Variants in GEMIN8 observed in about 807,000 individuals in gnomAD.
GEMIN8 encodes the protein gem nuclear organelle associated protein 8.
For missense variants in GEMIN8, 185 were observed against 205.9 expected (o/e 0.90, Z 0.62); for synonymous variants, 80 against 78.5 (o/e 1.02, Z -0.10).
chrX:13,988,884 A>T, the GEMIN8 span: 3 of 106,865 alleles, frequency 2.8e-5, no homozygotes, highest in Admixed American at 1.0e-4. Flanking sequence ...AATGTTCAAG[A>T]TGGAAGGGAT....
intron 4 of GEMIN8, among the ~76,000 whole-genome samples, chrX:14,010,817 T>C (rs1351798702): frequency 8.9e-6 from 1 of 112,339 alleles, no homozygotes; most frequent in African/African-American, 3.2e-5. Flanking sequence ...ATTAACTCAT[T>C]GGGCAATGCA....
chrX:13,992,670 C>G, the GEMIN8 span, among the ~76,000 whole-genome samples: 2 of 111,287 alleles, frequency 1.8e-5, no homozygotes, highest in African/African-American at 6.5e-5. Context: ...GTTAGGAAGT[C>G]AATGGGGCTG....
At chrX:14,025,965 A>G (rs1924668969) in intron 2 of GEMIN8, 175 bp downstream of exon 2, 1 of 476,459 alleles carries the variant, frequency 2.1e-6, no homozygotes, top group Non-Finnish European at 2.6e-6. Context: ...TGGAGAACTT[A>G]AGGAGCTAAT....
chrX:14,021,048 A>G (rs1924273410), intron 3 of GEMIN8, among the ~76,000 whole-genome samples: 1 of 111,164 alleles, frequency 9.0e-6, no homozygotes, highest in South Asian at 3.8e-4. Context: ...AATGCACCCA[A>G]TAGTGCTTTT....
chrX:14,005,761 A>G (rs1483972980), downstream of GEMIN8, among the ~76,000 whole-genome samples: 1 of 103,942 alleles, frequency 9.6e-6, no homozygotes, highest in Non-Finnish European at 2.0e-5. Context: ...TGCTACCTCC[A>G]GATAGATAGT....
intron 4 of GEMIN8, among the ~76,000 whole-genome samples, chrX:14,016,900 A>G (rs1409094217): frequency 5.2e-5 from 5 of 96,642 alleles, no homozygotes; most frequent in African/African-American, 1.9e-4. Flanking sequence ...TATGTACAGA[A>G]TCTCAATCAA....
intron 2 of GEMIN8, among the ~76,000 whole-genome samples, chrX:14,023,098 A>G (rs900055866): frequency 1.8e-5 from 2 of 112,565 alleles, no homozygotes; most frequent in African/African-American, 6.4e-5. Context: ...CATGCAACGA[A>G]TATAAACTGA....
At chrX:14,024,666 A>G (rs1419277380) in intron 2 of GEMIN8, among the ~76,000 whole-genome samples, 3 of 111,765 alleles carry the variant, frequency 2.7e-5, no homozygotes, top group African/African-American at 9.8e-5. Context: ...AGCCAAGAGA[A>G]TCATTTGAGA....
At chrX:13,994,674 A>G in the GEMIN8 span, among the ~76,000 whole-genome samples, 1 of 111,938 alleles carries the variant, frequency 8.9e-6, no homozygotes, top group Admixed American at 9.5e-5. Flanking sequence ...CTTGTGGCCA[A>G]ATGTGACCCT....
At chrX:14,002,140 G>A (rs1922991607), downstream of GEMIN8, among the ~76,000 whole-genome samples, 1 of 99,528 alleles carries the variant, frequency 1.0e-5, no homozygotes, top group African/African-American at 3.7e-5. Context: ...TAAAGAAACT[G>A]GGTCTTCCAT....
At chrX:13,998,078 T>C in the GEMIN8 span, among the ~76,000 whole-genome samples, 1 of 93,904 alleles carries the variant, frequency 1.1e-5, no homozygotes, top group Non-Finnish European at 2.1e-5. Flanking sequence ...CCATTTTTGC[T>C]TTTTTTTTTT....
At chrX:13,989,917 G>A in the GEMIN8 span, among the ~76,000 whole-genome samples, 1 of 111,915 alleles carries the variant, frequency 8.9e-6, no homozygotes, top group Non-Finnish European at 1.9e-5. Flanking sequence ...ACATCTTCTT[G>A]CTTCTTGACA....
chrX:13,993,835 C>T, the GEMIN8 span, among the ~76,000 whole-genome samples: 1 of 111,616 alleles, frequency 9.0e-6, no homozygotes, highest in Non-Finnish European at 1.9e-5. Context: ...AGTCTATAGA[C>T]CAGAGCATCA....
chrX:14,011,944 A>C (rs569847586), intron 4 of GEMIN8, among the ~76,000 whole-genome samples: 6 of 111,298 alleles, frequency 5.4e-5, no homozygotes, highest in African/African-American at 1.6e-4. Flanking sequence ...TGTTAACACA[A>C]AGCAACCCCA....
chrX:13,985,618 A>G, the GEMIN8 span, among the ~76,000 whole-genome samples: 1 of 112,350 alleles, frequency 8.9e-6, no homozygotes, highest in Non-Finnish European at 1.9e-5. Flanking sequence ...TCCTTATACG[A>G]AACAAGACTG....
rs1394837960 is a variant in GEMIN8, at chrX:14,007,712, A to G, written c.*1201T>C. 9.1e-6 allele frequency among the ~76,000 whole-genome samples: 1 copy of G among 109,293 alleles called. No homozygotes were observed. The highest frequency in any genetic ancestry group is 1.9e-5 in the Non-Finnish European group (1 of 52,536). The allele number at this position is 109,293 out of a possible 115,157, so 94.9% of individuals were successfully genotyped here. A position where few individuals can be genotyped will look rare whatever the true frequency, so the allele number is the denominator to read the frequency against. ...CCGGCTAATTTTTTGTATTTTTAGT[A>G]GAGATGGGGTTTCACCGTGTTAGCC... On this transcript the variant is annotated 3_prime_UTR_variant, in exon 5 of 5. Coordinates refer to ENST00000680255, the MANE Select transcript of GEMIN8 (RefSeq NM_001042479.2).
intron 2 of GEMIN8, among the ~76,000 whole-genome samples, chrX:14,024,497 TCAAAAACAAAAA>T (rs772552640): frequency 9.2e-6 from 1 of 108,687 alleles, no homozygotes. Flanking sequence ...AGACTCAGTC[TCAAAAACAAAAA>T]CAAAAACAAA....
the GEMIN8 span, among the ~76,000 whole-genome samples, chrX:13,998,717 G>A: frequency 4.8e-4 from 54 of 111,642 alleles, no homozygotes; most frequent in Middle Eastern, 0.014. Flanking sequence ...ACCTCCCAAA[G>A]TGTTAGGATT....
rs777152840 is a variant in GEMIN8 at position 14,009,914 on chromosome X, T to C, written c.473-745A>G. Among the ~76,000 whole-genome samples, 7 of 112,406 alleles carry C rather than the reference T, an allele frequency of 6.2e-5. 1 individual carries two copies. The South Asian group carries it at 2.2e-3, about 36-fold the overall frequency. ...TAGCAAGCACAGTATGCAATGATGATGGATGATTGATTATCCTTCCACAGA... is the reference window on the plus strand; with the variant it reads ...TAGCAAGCACAGTATGCAATGATGACGGATGATTGATTATCCTTCCACAGA... On this transcript the variant is annotated intron_variant, in intron 4 of 4. Transcript: ENST00000680255.
Sources: gnomAD v4.1 joint callset for allele counts (sites outside exome capture counted in the v4.1 genomes callset) on GRCh38, gnomAD v4.1.1 for gene constraint, MANE v1.5 for transcripts, NCBI Gene and HGNC (gene_info 2026-07-23, HGNC 2026-07-21) for gene names.